Variants in ITGA1 observed in about 807,000 individuals in gnomAD.
ITGA1 encodes integrin alpha-1.
ITGA1 carries 85 observed loss-of-function variants against 145.9 expected under a neutral mutation model. The observed-to-expected ratio is 0.58, with a 90% CI of 0.49 to 0.70. The LOEUF (loss-of-function observed/expected upper bound fraction) is 0.70. Ranked by LOEUF, ITGA1 falls within the 30% of genes least tolerant of loss-of-function variation. The probability of loss-of-function intolerance (pLI) is 0.00; values close to 1 mark genes in which losing one functional copy is unlikely to be tolerated. For missense variants in ITGA1, 1,351 were observed against 1,418.7 expected, an observed-to-expected ratio of 0.95 and a Z score of 0.77; for synonymous variants, 520 against 495.3, an observed-to-expected ratio of 1.05 and a Z score of -0.66.
At chr5:52,806,854 G>A (rs556094689) in intron 1 of ITGA1, among the ~76,000 whole-genome samples, 1 of 152,274 alleles carries the variant, frequency 6.6e-6, no homozygotes, top group South Asian at 2.1e-4. Context: ...TAGTATTATA[G>A]TTGCATACAA....
chr5:52,944,491 A>G (rs1751100695), intron 26 of ITGA1, among the ~76,000 whole-genome samples: 1 of 152,092 alleles, frequency 6.6e-6, no homozygotes, highest in South Asian at 2.1e-4. Context: ...CCCAAATTAT[A>G]TTATTTACTT....
At chr5:52,818,583 CT>C (rs776580731) in intron 1 of ITGA1, among the ~76,000 whole-genome samples, 29 of 152,222 alleles carry the variant, frequency 1.9e-4, no homozygotes, top group Admixed American at 5.2e-4. Context: ...TAAACAATGC[CT>C]TTTAGAAGTG....
intron 8 of ITGA1, among the ~76,000 whole-genome samples, chr5:52,891,725 C>A (rs9291998): frequency 0.46 from 69,749 of 151,258 alleles, 16,612 homozygotes; most frequent in East Asian, 0.58. Flanking sequence ...TACAGAAATA[C>A]AAAATAATAT....
chr5:52,845,522 C>T (rs190154065), intron 1 of ITGA1, among the ~76,000 whole-genome samples: 1 of 152,146 alleles, frequency 6.6e-6, no homozygotes, highest in Admixed American at 6.6e-5. Flanking sequence ...GTTTATGAGC[C>T]GTGGTTGGTT....
chr5:52,793,718 G>A (rs1027483878), intron 1 of ITGA1, among the ~76,000 whole-genome samples: 2 of 151,978 alleles, frequency 1.3e-5, no homozygotes, highest in African/African-American at 2.4e-5. Flanking sequence ...TTCTCTTCAA[G>A]TGCCAAGTTT....
intron 1 of ITGA1, among the ~76,000 whole-genome samples, chr5:52,842,262 A>C (rs141117716): frequency 1.3e-5 from 2 of 151,572 alleles, no homozygotes; most frequent in African/African-American, 4.8e-5. Flanking sequence ...TGTCATCTGT[A>C]CTCCTCCTCC....
chr5:52,912,659 A>G (rs1307783649), intron 14 of ITGA1, among the ~76,000 whole-genome samples: 2 of 146,666 alleles, frequency 1.4e-5, no homozygotes, highest in African/African-American at 5.0e-5. Flanking sequence ...CACTATATAT[A>G]GTGTATCTAT....
intron 27 of ITGA1, among the ~76,000 whole-genome samples, 174 bp from the exon 28 acceptor site, chr5:52,947,171 T>C (rs1450721047): frequency 1.4e-5 from 2 of 146,458 alleles, no homozygotes; most frequent in African/African-American, 4.9e-5. Context: ...AAATTTGACA[T>C]AGTTAGAGAT....
At chr5:52,874,075 A>C (rs1749827254) in intron 6 of ITGA1, among the ~76,000 whole-genome samples, 1 of 151,436 alleles carries the variant, frequency 6.6e-6, no homozygotes, top group Non-Finnish European at 1.5e-5. Context: ...AAAAAAAAAA[A>C]GGTGGATTAT....
chr5:52,887,048 G>GT (rs144088566), intron 7 of ITGA1, among the ~76,000 whole-genome samples: 4,068 of 152,066 alleles, frequency 0.027, 205 homozygotes, highest in African/African-American at 0.094. Context: ...GAAATTCAGG[G>GT]TTTTTTTGCA....
rs1007318517 is a variant in ITGA1, at chr5:52,945,015, A to G, written c.3358A>G (p.Ser1120Gly). The part of the protein sequence containing the change: ...RSENASLVLS[S>G]SNQKRELAIQ... Reference sequence around the variant, plus strand: ...TGAAAATGCATCTCTGGTTTTAAGTAGCAGCAATCAAAAAAGAGAGGTAAG... The same window carrying G: ...TGAAAATGCATCTCTGGTTTTAAGTGGCAGCAATCAAAAAAGAGAGGTAAG... Residue 1120 changes from serine (S) to glycine (G), a missense_variant, in exon 27 of 29, where the codon AGC (serine) becomes GGC (glycine). Ser to Gly is a moderately conservative substitution (Grantham distance 56). Transcript: ENST00000282588. 2 of 1,612,722 alleles carry G rather than the reference A, an allele frequency of 1.2e-6. No individual in the cohort carries two copies. The highest frequency in any genetic ancestry group is 2.7e-5 in the African/African-American group (2 of 74,892).
Position 52,788,005 on chromosome 5 carries a change from T to TA in ITGA1, c.-348dup, listed in dbSNP as rs1213374181. On this transcript the variant is annotated 5_prime_UTR_variant, in exon 1 of 29. It introduces an in-frame stop codon into an upstream open reading frame of the 5' UTR. Transcript: ENST00000282588. ...CAGATGTCCCTTTAAGGTTTGCTTC[T>TA]ACAGCCCGTGGACTTTAGCCTAAAC... The TA allele has an allele frequency of 3.8e-6, 1 of 262,738 alleles. No homozygotes were observed. Among genetic ancestry groups the TA allele is most frequent in the Non-Finnish European group, 7.2e-6 (1 of 139,376 alleles). The allele number at this position is 262,738 out of a possible 1,614,324, so 16.3% of individuals were successfully genotyped here. A position where few individuals can be genotyped will look rare whatever the true frequency, so the allele number is the denominator to read the frequency against.
intron 2 of ITGA1, among the ~76,000 whole-genome samples, chr5:52,854,146 G>A (rs898271771): frequency 1.3e-5 from 2 of 152,078 alleles, no homozygotes; most frequent in African/African-American, 4.8e-5. Flanking sequence ...TCAAGCCAAT[G>A]TTTATCAATT....
chr5:52,798,715 A>G (rs1450987275), intron 1 of ITGA1, among the ~76,000 whole-genome samples: 1 of 152,238 alleles, frequency 6.6e-6, no homozygotes, highest in Non-Finnish European at 1.5e-5. Flanking sequence ...CAGGGGAACA[A>G]TCAGATATGC....
chr5:52,918,691 A>T, intron 15 of ITGA1, 41 bp from the exon 16 acceptor site: 1 of 1,577,450 alleles, frequency 6.3e-7, no homozygotes, highest in Non-Finnish European at 8.6e-7. Flanking sequence ...CATTCATTAA[A>T]TGTAAAAATG....
chr5:52,919,007 G>A (rs1193000236), intron 16 of ITGA1, 109 bp downstream of exon 16: 13 of 941,000 alleles, frequency 1.4e-5, no homozygotes, highest in South Asian at 1.1e-4. Flanking sequence ...TGAGCTGCAC[G>A]TCATATTTGC....
intron 1 of ITGA1, among the ~76,000 whole-genome samples, chr5:52,818,913 T>G (rs930167628): frequency 6.6e-6 from 1 of 152,298 alleles, no homozygotes; most frequent in East Asian, 1.9e-4. Flanking sequence ...CCCTAAAATG[T>G]CAGTGACTTC....
intron 8 of ITGA1, among the ~76,000 whole-genome samples, chr5:52,889,115 T>TC (rs77856454): frequency 0.19 from 22,012 of 116,090 alleles, 1,804 homozygotes; most frequent in East Asian, 0.35. Context: ...TCCATTTTTT[T>TC]TTTTAAATGG....
At chr5:52,873,586 G>T (rs1175077153) in intron 6 of ITGA1, among the ~76,000 whole-genome samples, 1 of 152,080 alleles carries the variant, frequency 6.6e-6, no homozygotes, top group African/African-American at 2.4e-5. Flanking sequence ...TGCTAACATA[G>T]CTTCAGAATG....
Sources: gnomAD v4.1 joint callset for allele counts (sites outside exome capture counted in the v4.1 genomes callset) on GRCh38, gnomAD v4.1.1 for gene constraint, MANE v1.5 for transcripts, NCBI Gene and HGNC (gene_info 2026-07-23, HGNC 2026-07-21) for gene names.